The following ZNF248 variants were observed in gnomAD, a reference collection of about 807,000 sequenced individuals.
ZNF248 encodes zinc finger protein 248.
A neutral mutation model predicts 44.3 loss-of-function variants in ZNF248; 20 were observed. The observed-to-expected ratio is 0.45, with a 90% CI of 0.32 to 0.66. The LOEUF (loss-of-function observed/expected upper bound fraction) is 0.66, where lower values mean the gene tolerates loss of function less well. ZNF248 is among the 30% of genes least tolerant of loss of function. The probability of loss-of-function intolerance (pLI) is 0.04; values close to 1 mark genes in which losing one functional copy is unlikely to be tolerated. For synonymous variants in ZNF248, 224 were observed against 229.0 expected (o/e 0.98, Z 0.20); for missense variants, 654 against 677.0 (o/e 0.97, Z 0.38).
intron 5 of ZNF248, among the ~76,000 whole-genome samples, chr10:37,834,311 G>C (rs901557222): frequency 2.6e-5 from 4 of 152,040 alleles, no homozygotes; most frequent in Admixed American, 6.6e-5. Context: ...ATTGTGACCA[G>C]AGTCCAGAAC....
chr10:37,832,255 A>G lies in ZNF248; in HGVS notation c.1100T>C (p.Leu367Pro). 9.3e-6 allele frequency: 15 copies of G among 1,614,052 alleles called. No individual in the cohort carries two copies. The highest frequency in any genetic ancestry group is 1.3e-5 in the Non-Finnish European group (15 of 1,179,956). The change falls in exon 6 of 6, where the codon CTT becomes CCT. Residue 367 changes from leucine to proline, a missense_variant. Transcript: ENST00000395867. ...TGTGTGAGCTCTCCGAAGCTGGGTA[A>G]GATGTGACTTCTTGCTGAAATTACT... ...NGSNFSKKSH[L>P]TQLRRAHTGE...
rs144471008 is a variant in ZNF248 at position 37,830,084 on chromosome 10, T to G, written c.*1531A>C. ...ACTCTAAAATACTAATACGCAGAAC[T>G]AGTGTTACATAGACCGTGCCCAAAC... is the stretch of plus-strand genomic sequence containing the variant. On this transcript the variant is annotated 3_prime_UTR_variant, in exon 6 of 6. Transcript: ENST00000395867. 8.4e-4 allele frequency: 823 copies of G among 985,358 alleles called. 7 individuals are homozygous for G. The African/African-American group carries it at 0.013, about 16-fold the overall frequency. 61.0% of individuals were successfully genotyped at this position (985,358 alleles called of 1,614,324 possible). A position where few individuals can be genotyped will look rare whatever the true frequency, so the allele number is the denominator to read the frequency against.
chr10:37,789,167 G>A lies in ZNF248; in HGVS notation c.331-12592C>T, dbSNP rs1195308407. On this transcript the variant is annotated intron_variant, in intron 6 of 6. Transcript: ENST00000615949. ...GGACTGACAGCATATTGGCGTGAAGGAATGTTTTTGGGTGATATAAATGTA... is the reference window on the plus strand; with the variant it reads ...GGACTGACAGCATATTGGCGTGAAGAAATGTTTTTGGGTGATATAAATGTA... 2.6e-5 allele frequency among the ~76,000 whole-genome samples: 4 copies of A among 152,218 alleles called. No homozygotes were observed. In the South Asian group the frequency reaches 6.2e-4, roughly 24 times the overall value.
chr10:37,830,342 T>C lies in ZNF248; in HGVS notation c.*1273A>G, dbSNP rs1322698558. 1 of 984,716 alleles carries C rather than the reference T, an allele frequency of 1.0e-6. No homozygotes were observed. Among genetic ancestry groups the C allele is most frequent in the Middle Eastern group, 5.2e-4 (1 of 1,936 alleles). The allele number at this position is 984,716 out of a possible 1,614,324, so 61.0% of individuals were successfully genotyped here. ...TCAATAATGGCCATATTCATGCATA[T>C]ATGCCAGGAAACAGTCAGAGGAAAG... On this transcript the variant is annotated 3_prime_UTR_variant, in exon 6 of 6. Transcript: ENST00000395867.
intron 6 of ZNF248, among the ~76,000 whole-genome samples, chr10:37,787,165 G>C (rs2047979007): frequency 6.6e-6 from 1 of 152,092 alleles, no homozygotes; most frequent in Non-Finnish European, 1.5e-5. Context: ...TGTAGTCCCA[G>C]CTATTCAGAA....
At chr10:37,823,076 C>T (rs1328700577) in intron 6 of ZNF248, among the ~76,000 whole-genome samples, 1 of 152,034 alleles carries the variant, frequency 6.6e-6, no homozygotes, top group Non-Finnish European at 1.5e-5. Flanking sequence ...TGGCTCACAC[C>T]TGTAATCCCA....
chr10:37,765,255 G>A, the ZNF248 span, among the ~76,000 whole-genome samples: 1 of 152,076 alleles, frequency 6.6e-6, no homozygotes, highest in Non-Finnish European at 1.5e-5. Flanking sequence ...CTGAGCCTGG[G>A]CAAGTTTGAG....
chr10:37,792,064 A>AG lies in ZNF248; in HGVS notation c.331-15490dup, dbSNP rs577680388. The AG allele has an allele frequency of 7.9e-5, 12 of 152,270 alleles. No individual in the cohort carries two copies. The East Asian group carries it at 2.1e-3, about 27-fold the overall frequency. 9.4% of individuals were successfully genotyped at this position (152,270 alleles called of 1,614,324 possible). On this transcript the variant is annotated intron_variant, in intron 6 of 6. Coordinates refer to the ZNF248 transcript ENST00000615949. ...TAGCTTGCAGATCTACCCATGGAGG[A>AG]GGGTGACAAGGTACAAAGTCTCATG...
chr10:37,831,372 A>T lies in ZNF248; in HGVS notation c.*243T>A, dbSNP rs1346814783. 2 of 1,547,030 alleles carry T rather than the reference A, an allele frequency of 1.3e-6. No individual in the cohort carries two copies. Among genetic ancestry groups the T allele is most frequent in the African/African-American group, 2.7e-5 (2 of 72,916 alleles). ...ATATTTGCAACAAAATTTTGGTATC[A>T]CGTCTGGAATATAACACTAAACAAC... On this transcript the variant is annotated 3_prime_UTR_variant, in exon 6 of 6. Coordinates refer to ENST00000395867, the MANE Select transcript of ZNF248 (RefSeq NM_021045.3).
Position 37,832,017 on chromosome 10 carries a change from A to G in ZNF248, c.1338T>C (p.Cys446=), listed in dbSNP as rs1211708. 0.074 allele frequency: 120,030 copies of G among 1,613,286 alleles called. 5,081 individuals carry two copies. The highest frequency in any genetic ancestry group is 0.087 in the Non-Finnish European group (102,370 of 1,179,772). ...GATGTTCAGTGAGGTTTGACTTCAC[A>G]CAGAATGTTTTTCCACATTGCTTAC... ...YECKQCGKTF[C]VKSNLTEHQR... is the part of the protein sequence containing the mutation. The change falls in exon 6 of 6, where the codon TGT becomes TGC. Residue 446 remains cysteine (C), a synonymous_variant. Coordinates refer to ENST00000395867, the MANE Select transcript of ZNF248 (RefSeq NM_021045.3).
chr10:37,819,154 T>A, intron 6 of ZNF248: 1 of 786,250 alleles, frequency 1.3e-6, no homozygotes, highest in Non-Finnish European at 2.3e-6. Flanking sequence ...GGTCATAGTG[T>A]ATGATGGGAG....
chr10:37,805,248 CAG>C (rs1194439452), intron 6 of ZNF248, among the ~76,000 whole-genome samples: 1 of 152,142 alleles, frequency 6.6e-6, no homozygotes, highest in Non-Finnish European at 1.5e-5. Flanking sequence ...TGAACCTAGG[CAG>C]AGAGTATACT....
chr10:37,839,796 C>T (rs2058004189), intron 3 of ZNF248, among the ~76,000 whole-genome samples: 1 of 151,980 alleles, frequency 6.6e-6, no homozygotes, highest in South Asian at 2.1e-4. Flanking sequence ...CATATATGAC[C>T]CAAAATAGCA....
At chr10:37,793,796 C>T (rs1405974091) in intron 6 of ZNF248, among the ~76,000 whole-genome samples, 1 of 152,080 alleles carries the variant, frequency 6.6e-6, no homozygotes, top group Non-Finnish European at 1.5e-5. Context: ...TATGCGTGTA[C>T]ACATATACAT....
chr10:37,799,439 G>T (rs926409126), intron 6 of ZNF248, among the ~76,000 whole-genome samples: 1 of 152,116 alleles, frequency 6.6e-6, no homozygotes, highest in Non-Finnish European at 1.5e-5. Context: ...CACGCCTGTA[G>T]TCCCAGTTAC....
At chr10:37,815,589 T>C (rs2052317490) in intron 6 of ZNF248, among the ~76,000 whole-genome samples, 2 of 152,098 alleles carry the variant, frequency 1.3e-5, no homozygotes, top group South Asian at 4.1e-4. Flanking sequence ...TAAGACAGTG[T>C]TTTAATTTGT....
intron 6 of ZNF248, among the ~76,000 whole-genome samples, chr10:37,786,886 T>A (rs1286845265): frequency 2.6e-5 from 4 of 152,176 alleles, no homozygotes; most frequent in African/African-American, 9.7e-5. Flanking sequence ...AATTATTCAT[T>A]TTTTTTCCTT....
At chr10:37,842,151 T>C (rs1297131920) in intron 3 of ZNF248, among the ~76,000 whole-genome samples, 1 of 152,198 alleles carries the variant, frequency 6.6e-6, no homozygotes, top group Non-Finnish European at 1.5e-5. Context: ...CTCTTTGTAC[T>C]ACTGTCTTCA....
intron 6 of ZNF248, among the ~76,000 whole-genome samples, chr10:37,780,889 C>A (rs928275569): frequency 5.9e-5 from 9 of 152,126 alleles, no homozygotes; most frequent in Non-Finnish European, 1.2e-4. Flanking sequence ...CTGAAGGTTC[C>A]GGGGCGTCTC....
Sources: allele counts gnomAD v4.1 joint callset (sites outside exome capture counted in the v4.1 genomes callset), GRCh38; gene constraint gnomAD v4.1.1; transcripts MANE v1.5; gene names NCBI Gene and HGNC (gene_info 2026-07-23, HGNC 2026-07-21).